ACTR3: variants seen among roughly 807,000 people sequenced by gnomAD.
The protein encoded by ACTR3 is actin-related protein 3.
A neutral mutation model predicts 56.8 loss-of-function variants in ACTR3; 12 were observed. That is an observed-to-expected ratio of 0.21 (90% CI 0.14 to 0.34). The LOEUF (loss-of-function observed/expected upper bound fraction) is 0.34, where lower values mean the gene tolerates loss of function less well. Among genes scored for constraint, ACTR3 ranks in the 10% least tolerant of loss-of-function variants. ACTR3 has a pLI of 1.00. For synonymous variants in ACTR3, 162 were observed against 167.4 expected, an observed-to-expected ratio of 0.97 and a Z score of 0.25; for missense variants, 282 against 512.5, an observed-to-expected ratio of 0.55 and a Z score of 4.34.
At chr2:113,894,131 C>T (rs1678959597) in intron 1 of ACTR3, among the ~76,000 whole-genome samples, 1 of 151,854 alleles carries the variant, frequency 6.6e-6, no homozygotes, top group South Asian at 2.1e-4. Flanking sequence ...CTCTCATCGC[C>T]CAGGCTGGAG....
intron 1 of ACTR3, chr2:113,890,857 G>T: frequency 1.1e-6 from 1 of 927,800 alleles, no homozygotes; most frequent in Non-Finnish European, 1.3e-6. Flanking sequence ...CTCTGAAAAT[G>T]GGAACCTACA....
At chr2:113,908,569 G>A in intron 1 of ACTR3, among the ~76,000 whole-genome samples, 1 of 151,596 alleles carries the variant, frequency 6.6e-6, no homozygotes, top group East Asian at 1.9e-4. Context: ...AAGCATTAAA[G>A]TATTTTTATA....
chr2:113,943,508 T>C (rs1232416827), intron 8 of ACTR3, among the ~76,000 whole-genome samples: 19 of 152,186 alleles, frequency 1.2e-4, no homozygotes, highest in Non-Finnish European at 2.4e-4. Flanking sequence ...TCTCGCAGCA[T>C]TGGTTTGGAC....
chr2:113,939,062 C>T (rs532083719), intron 6 of ACTR3, among the ~76,000 whole-genome samples: 27 of 150,922 alleles, frequency 1.8e-4, no homozygotes, highest in South Asian at 2.1e-4. Flanking sequence ...TTCGCTCTGT[C>T]GCCCAGGCTG....
chr2:113,922,437 C>T (rs536351889), intron 3 of ACTR3, among the ~76,000 whole-genome samples: 18 of 152,226 alleles, frequency 1.2e-4, no homozygotes, highest in Admixed American at 3.3e-4. Flanking sequence ...ATTTGAATTC[C>T]TGACTGTTGG....
chr2:113,903,805 C>A (rs2104585387), intron 1 of ACTR3, among the ~76,000 whole-genome samples: 1 of 151,446 alleles, frequency 6.6e-6, no homozygotes, highest in Admixed American at 6.6e-5. Flanking sequence ...GTCACTATTT[C>A]TTTTTAAAAA....
rs977916407 is a variant in ACTR3, at chr2:113,960,516, T to A, written c.*3061T>A. 6.6e-6 allele frequency: 1 copy of A among 152,054 alleles called. No homozygotes were observed. Among genetic ancestry groups the A allele is most frequent in the Non-Finnish European group, 1.5e-5 (1 of 67,918 alleles). 9.4% of individuals were successfully genotyped at this position (152,054 alleles called of 1,614,324 possible). ...TAGAGAATATATCTATAGAAACTTC[T>A]TTCAGATAACCCTAAAGATGATACT... On this transcript the variant is annotated 3_prime_UTR_variant, in exon 12 of 12. Coordinates refer to ENST00000263238, the MANE Select transcript of ACTR3 (RefSeq NM_005721.5).
chr2:113,948,046 G>T (rs1156695358), intron 8 of ACTR3, among the ~76,000 whole-genome samples: 1 of 152,168 alleles, frequency 6.6e-6, no homozygotes, highest in African/African-American at 2.4e-5. Context: ...CTCTTGTTTT[G>T]TATTTCTAGA....
At chr2:113,909,434 A>G (rs1163544076) in intron 1 of ACTR3, among the ~76,000 whole-genome samples, 1 of 152,152 alleles carries the variant, frequency 6.6e-6, no homozygotes, top group African/African-American at 2.4e-5. Context: ...TTCTACTGTA[A>G]TGTGGTCTGT....
At chr2:113,902,274 A>G (rs1574351280) in intron 1 of ACTR3, among the ~76,000 whole-genome samples, 1 of 151,616 alleles carries the variant, frequency 6.6e-6, no homozygotes, top group East Asian at 1.9e-4. Flanking sequence ...TATTTCTACT[A>G]TTATTCTTCT....
chr2:113,935,032 G>T (rs1011467324), intron 6 of ACTR3, among the ~76,000 whole-genome samples: 3 of 150,152 alleles, frequency 2.0e-5, no homozygotes, highest in Admixed American at 6.6e-5. Context: ...ACATTATTTT[G>T]AACTTTTTTT....
intron 6 of ACTR3, among the ~76,000 whole-genome samples, chr2:113,938,763 C>A (rs1317953528): frequency 2.0e-5 from 3 of 152,258 alleles, no homozygotes; most frequent in Non-Finnish European, 2.9e-5. Context: ...CTCTTCACAT[C>A]TTCCCAGCTC....
intron 6 of ACTR3, among the ~76,000 whole-genome samples, chr2:113,939,712 T>C (rs1212479090): frequency 6.6e-6 from 1 of 152,206 alleles, no homozygotes; most frequent in Non-Finnish European, 1.5e-5. Flanking sequence ...ATTTTGAAAT[T>C]TATTATTTCT....
chr2:113,938,086 A>AT (rs1193764635), intron 6 of ACTR3, among the ~76,000 whole-genome samples: 3 of 149,980 alleles, frequency 2.0e-5, no homozygotes, highest in Non-Finnish European at 4.4e-5. Context: ...CAAATTCACT[A>AT]TTTTTTCTTC....
Position 113,962,089 on chromosome 2 carries a change from G to A in ACTR3, c.*4634G>A, listed in dbSNP as rs1680335458. The A allele has an allele frequency of 6.6e-6, 1 of 151,956 alleles. No individual in the cohort carries two copies. The allele number at this position is 151,956 out of a possible 1,614,324, so 9.4% of individuals were successfully genotyped here. The stretch of plus-strand genomic sequence containing the variant: ...TAAAATAAAACTTTGAATTACATGA[G>A]TATACAACTTTTGTTCCTTCAAAAT... On this transcript the variant is annotated 3_prime_UTR_variant, in exon 12 of 12. Coordinates refer to ENST00000263238, the MANE Select transcript of ACTR3 (RefSeq NM_005721.5).
chr2:113,890,670 T>A, intron 1 of ACTR3: 1 of 1,176,760 alleles, frequency 8.5e-7, no homozygotes, highest in Non-Finnish European at 1.1e-6. Context: ...GCCCGACCCA[T>A]CCGGCTTTCC....
rs1678962385 is a variant in ACTR3, at chr2:113,894,283, G to A, written c.44+3960G>A. The stretch of plus-strand genomic sequence containing the variant: ...AAATTTTGTATTTTTAGTAGAGACA[G>A]AGTTTCACCATGTTGGCCAGGCTGT... On this transcript the variant is annotated intron_variant, in intron 1 of 11. Coordinates refer to ENST00000263238, the MANE Select transcript of ACTR3 (RefSeq NM_005721.5). Among the ~76,000 whole-genome samples, 3 of 152,202 alleles carry A rather than the reference G, an allele frequency of 2.0e-5. No homozygotes were observed. In the South Asian group the frequency reaches 6.2e-4, roughly 32 times the overall value.
chr2:113,935,290 G>A (rs533429224), intron 6 of ACTR3, among the ~76,000 whole-genome samples: 11 of 152,158 alleles, frequency 7.2e-5, no homozygotes, highest in African/African-American at 2.7e-4. Context: ...AAGTCCATCC[G>A]TCCCCACAAT....
intron 3 of ACTR3, among the ~76,000 whole-genome samples, chr2:113,924,701 T>C (rs1029318604): frequency 2.6e-5 from 4 of 152,112 alleles, no homozygotes; most frequent in African/African-American, 7.2e-5. Context: ...GTTTTGTTTT[T>C]GTATACCATG....
Sources: gnomAD v4.1 joint callset for allele counts (sites outside exome capture counted in the v4.1 genomes callset) on GRCh38, gnomAD v4.1.1 for gene constraint, MANE v1.5 for transcripts, NCBI Gene and HGNC (gene_info 2026-07-23, HGNC 2026-07-21) for gene names.